IGF2BP2: variants seen among roughly 807,000 people sequenced by gnomAD.
IGF2BP2 encodes insulin-like growth factor 2 mRNA-binding protein 2.
Under a neutral mutation model 75.8 loss-of-function variants are expected in IGF2BP2, and 17 were observed. The observed-to-expected ratio is 0.22, with a 90% CI of 0.15 to 0.34. The LOEUF (loss-of-function observed/expected upper bound fraction) is 0.34. Ranked by LOEUF, IGF2BP2 falls within the 10% of genes least tolerant of loss-of-function variation. The pLI, the probability that IGF2BP2 is intolerant of heterozygous loss-of-function variation, is 1.00. For synonymous variants in IGF2BP2, 288 were observed against 295.6 expected (o/e 0.97, Z 0.26); for missense variants, 516 against 772.4 (o/e 0.67, Z 3.93).
intron 2 of IGF2BP2, among the ~76,000 whole-genome samples, chr3:185,752,817 G>A (rs1333134990): frequency 2.0e-5 from 3 of 152,036 alleles, no homozygotes; most frequent in African/African-American, 7.3e-5. Context: ...GGCTGGTCTC[G>A]AACTCCTAAC....
intron 2 of IGF2BP2, among the ~76,000 whole-genome samples, chr3:185,737,307 AT>A (rs1310872089): frequency 6.6e-6 from 1 of 152,158 alleles, no homozygotes; most frequent in Non-Finnish European, 1.5e-5. Flanking sequence ...CCCTCCCTTA[AT>A]AAACATTCTA....
At chr3:185,728,025 G>A (rs146430495) in intron 2 of IGF2BP2, among the ~76,000 whole-genome samples, 340 of 152,226 alleles carry the variant, frequency 2.2e-3, no homozygotes, top group African/African-American at 7.7e-3. Flanking sequence ...ATAATGCCCC[G>A]GAGATGACTG....
At chr3:185,818,279 T>A (rs1242736954) in intron 2 of IGF2BP2, among the ~76,000 whole-genome samples, 3 of 152,194 alleles carry the variant, frequency 2.0e-5, no homozygotes, top group Non-Finnish European at 4.4e-5. Context: ...TGACAGGGGA[T>A]AGCCAAGTGA....
rs367548004 is a variant in IGF2BP2, at chr3:185,647,151, A to T, written c.1594-13T>A. ...GCAGTTCGTTCACCTGTGAAGGGAG[A>T]AACGGCAACGGGTTGGATAGGTTCC... On this transcript the variant is annotated splice_polypyrimidine_tract_variant and intron_variant, in intron 14 of 15. Coordinates refer to ENST00000382199, the MANE Select transcript of IGF2BP2 (RefSeq NM_006548.6). The surrounding 1 kb of genome is among the most constrained non-coding windows in gnomAD (Gnocchi z 4.9). 7 of 1,598,448 alleles carry T rather than the reference A, an allele frequency of 4.4e-6. No individual in the cohort carries two copies. In the East Asian group the frequency reaches 8.9e-5, roughly 20 times the overall value.
At chr3:185,677,066 T>C (rs865808429) in intron 7 of IGF2BP2, among the ~76,000 whole-genome samples, 1 of 38,414 alleles carries the variant, frequency 2.6e-5, no homozygotes, top group Admixed American at 2.9e-4. Flanking sequence ...TATATATATA[T>C]ATAGAGAGAG....
At chr3:185,777,394 T>C (rs1167150236) in intron 2 of IGF2BP2, among the ~76,000 whole-genome samples, 1 of 151,990 alleles carries the variant, frequency 6.6e-6, no homozygotes, top group Non-Finnish European at 1.5e-5. Flanking sequence ...GTCCCAGCTA[T>C]TCAGGAGGAT....
intron 2 of IGF2BP2, among the ~76,000 whole-genome samples, chr3:185,818,309 C>T (rs1341031342): frequency 3.9e-5 from 6 of 152,180 alleles, no homozygotes; most frequent in Non-Finnish European, 8.8e-5. Flanking sequence ...AGGGAAGATG[C>T]TGCACTGATG....
At chr3:185,675,486 C>A in intron 8 of IGF2BP2, 55 bp from the exon 9 acceptor site, 2 of 1,576,364 alleles carry the variant, frequency 1.3e-6, no homozygotes, top group Non-Finnish European at 1.7e-6. Context: ...AATAAAATGC[C>A]CAAAAAATAA....
At chr3:185,721,317 T>A (rs1428191239) in intron 2 of IGF2BP2, among the ~76,000 whole-genome samples, 10 of 152,124 alleles carry the variant, frequency 6.6e-5, no homozygotes, top group Non-Finnish European at 1.5e-4. Flanking sequence ...TTCTCGTGCC[T>A]CAGCCTCCCG....
At position 185,645,271 on chromosome 3, in the gene IGF2BP2, G is replaced by C; in HGVS notation, c.*260C>G. The C allele has an allele frequency of 1.9e-6, 1 of 533,916 alleles. No individual in the cohort carries two copies. The highest frequency in any genetic ancestry group is 3.4e-6 in the Non-Finnish European group (1 of 298,096). The allele number at this position is 533,916 out of a possible 1,614,324, so 33.1% of individuals were successfully genotyped here. On this transcript the variant is annotated 3_prime_UTR_variant, in exon 16 of 16. Transcript: ENST00000382199. This position sits in a 1 kb window ranked among gnomAD's most constrained non-coding sequence, Gnocchi z 4.9. ...AGAGATCCGAGTGGATGGTGAAGTG[G>C]ATGGCTGAAGCCTGCAGAAGCCCTG... is the stretch of plus-strand genomic sequence containing the variant.
chr3:185,661,116 A>G (rs1716361191), intron 10 of IGF2BP2, among the ~76,000 whole-genome samples: 1 of 152,230 alleles, frequency 6.6e-6, no homozygotes, highest in Non-Finnish European at 1.5e-5. Context: ...TGTCACAGGG[A>G]AAGAATCTTG....
chr3:185,683,411 A>T (rs61495647), intron 7 of IGF2BP2, among the ~76,000 whole-genome samples: 5 of 146,864 alleles, frequency 3.4e-5, no homozygotes, highest in Non-Finnish European at 7.6e-5. Flanking sequence ...ATGATCAATA[A>T]TTTTTTTTTT....
chr3:185,755,843 T>G (rs1560418677), intron 2 of IGF2BP2, among the ~76,000 whole-genome samples: 1 of 152,180 alleles, frequency 6.6e-6, no homozygotes, highest in African/African-American at 2.4e-5. Flanking sequence ...ATTTTACAGG[T>G]TCAGAGGCAG....
chr3:185,774,491 A>C (rs1311574383), intron 2 of IGF2BP2, among the ~76,000 whole-genome samples: 1 of 151,800 alleles, frequency 6.6e-6, no homozygotes, highest in Admixed American at 6.6e-5. Flanking sequence ...GCTACTCAGG[A>C]GGCTGAGGCA....
At chr3:185,648,314 T>TG (rs1267174510) in intron 14 of IGF2BP2, among the ~76,000 whole-genome samples, 1 of 151,486 alleles carries the variant, frequency 6.6e-6, no homozygotes, top group Non-Finnish European at 1.5e-5. Context: ...ATATAAAAAA[T>TG]TAGCTGGGCA....
chr3:185,724,165 G>T (rs1321861714), intron 2 of IGF2BP2, among the ~76,000 whole-genome samples: 1 of 152,208 alleles, frequency 6.6e-6, no homozygotes, highest in South Asian at 2.1e-4. Context: ...GACAGCACGT[G>T]AGCAAAATTG....
chr3:185,677,040 TGGAG>T (rs1237467290), intron 7 of IGF2BP2, among the ~76,000 whole-genome samples: 104 of 44,808 alleles, frequency 2.3e-3, no homozygotes, highest in African/African-American at 6.8e-3. Context: ...TATATATATA[TGGAG>T]ATATATATAT....
In IGF2BP2 at chr3:185,643,565, G is replaced by C. The variant is rs578101565; in HGVS notation, c.*1966C>G. 6.6e-6 allele frequency among the ~76,000 whole-genome samples: 1 copy of C among 152,108 alleles called. No homozygotes were observed. Among genetic ancestry groups the C allele is most frequent in the Non-Finnish European group, 1.5e-5 (1 of 68,038 alleles). The stretch of plus-strand genomic sequence containing the variant: ...GTCTGGGGACTACACTTTGACCACC[G>C]ATCTAGTTTAGCTTCTCCCAAAGAC... On this transcript the variant is annotated 3_prime_UTR_variant, in exon 16 of 16. Transcript: ENST00000382199.
chr3:185,753,252 G>C (rs1161883052), intron 2 of IGF2BP2, among the ~76,000 whole-genome samples: 1 of 152,048 alleles, frequency 6.6e-6, no homozygotes, highest in Non-Finnish European at 1.5e-5. Context: ...ATAACTCCTG[G>C]GAACTGTACT....
Sources: gnomAD v4.1 joint callset for allele counts (sites outside exome capture counted in the v4.1 genomes callset) on GRCh38, gnomAD v4.1.1 for gene constraint, Gnocchi (gnomAD v3.1) non-coding constraint, MANE v1.5 for transcripts, NCBI Gene and HGNC (gene_info 2026-07-23, HGNC 2026-07-21) for gene names.